TRPM6: variants seen among roughly 807,000 people sequenced by gnomAD.
TRPM6 encodes transient receptor potential cation channel subfamily M member 6, also known as channel kinase 2.
A neutral mutation model predicts 247.6 loss-of-function variants in TRPM6; 111 were observed. The observed-to-expected ratio is 0.45, with a 90% confidence interval of 0.38 to 0.52. The LOEUF is 0.52. Among genes scored for constraint, TRPM6 ranks in the 20% least tolerant of loss-of-function variants. The pLI is 0.00. For synonymous variants in TRPM6, 892 were observed against 853.8 expected, an observed-to-expected ratio of 1.04 and a Z score of -0.78; for missense variants, 2,126 against 2,421.5, an observed-to-expected ratio of 0.88 and a Z score of 2.56.
At chr9:74,775,799 A>C in intron 24 of TRPM6, 84 bp downstream of exon 24, 1 of 1,422,484 alleles carries the variant, frequency 7.0e-7, no homozygotes, top group Non-Finnish European at 9.9e-7. Context: ...AGTGCCCTGA[A>C]CTTAATTTAT....
Position 74,794,851 on chromosome 9 carries a change from A to G in TRPM6, c.2391+1890T>C, listed in dbSNP as rs865951424. Among the ~76,000 whole-genome samples the G allele has an allele frequency of 1.2e-3, 185 of 152,014 alleles. 3 individuals are homozygous for G. In the Middle Eastern group the frequency reaches 0.031, roughly 25 times the overall value. ...CTTGAATAACTTTTATTATATATAT[A>G]CAGCTCCCCTCACCCCCCACACCCC... On this transcript the variant is annotated intron_variant, in intron 18 of 38. Transcript: ENST00000360774.
intron 13 of TRPM6, among the ~76,000 whole-genome samples, chr9:74,810,367 A>G (rs1472629830): frequency 6.6e-6 from 1 of 152,204 alleles, no homozygotes; most frequent in South Asian, 2.1e-4. Context: ...CTGACTGCCT[A>G]GAACAATGCA....
chr9:74,787,569 G>A (rs1019916090), intron 20 of TRPM6, among the ~76,000 whole-genome samples: 1 of 152,114 alleles, frequency 6.6e-6, no homozygotes, highest in Non-Finnish European at 1.5e-5. Context: ...TTACAAAGAA[G>A]TATACAATGT....
chr9:74,820,495 A>G (rs982164577), intron 8 of TRPM6, 68 bp from the exon 9 acceptor site: 2 of 1,589,616 alleles, frequency 1.3e-6, no homozygotes, highest in Non-Finnish European at 1.7e-6. Context: ...TCAGTACAAG[A>G]AAACACCCCA....
chr9:74,753,367 GA>G (rs537743774), intron 28 of TRPM6, among the ~76,000 whole-genome samples: 65 of 148,222 alleles, frequency 4.4e-4, no homozygotes, highest in South Asian at 4.3e-4. Context: ...TTTTGTGCTG[GA>G]AAAAAAAAAG....
In TRPM6 at chr9:74,728,224, C is replaced by T. The variant is rs780414193; in HGVS notation, c.5935+15G>A. 6 of 1,584,334 alleles carry T rather than the reference C, an allele frequency of 3.8e-6. No individual in the cohort carries two copies. Among genetic ancestry groups the T allele is most frequent in the Non-Finnish European group, 5.2e-6 (6 of 1,152,994 alleles). On this transcript the variant is annotated intron_variant, in intron 38 of 38. Coordinates refer to ENST00000360774, the MANE Select transcript of TRPM6 (RefSeq NM_017662.5). ...AGAGATTTACTTAGAGAAAAAAGAACTGTTAGTGGCATACCCGGGAGTTTG... is the reference window on the plus strand; with the variant it reads ...AGAGATTTACTTAGAGAAAAAAGAATTGTTAGTGGCATACCCGGGAGTTTG...
intron 20 of TRPM6, 149 bp from the exon 21 acceptor site, chr9:74,786,274 T>C (rs541208207): frequency 4.9e-4 from 386 of 780,090 alleles, no homozygotes; most frequent in Non-Finnish European, 7.5e-4. Flanking sequence ...GAGACTTAAG[T>C]TATCATCAGT....
At chr9:74,806,612 CCT>C (rs1227185858) in intron 14 of TRPM6, among the ~76,000 whole-genome samples, 2 of 152,006 alleles carry the variant, frequency 1.3e-5, no homozygotes, top group Non-Finnish European at 2.9e-5. Context: ...GACTCTGCAC[CCT>C]CTGTGTATCA....
At chr9:74,793,277 A>G (rs72730952) in intron 18 of TRPM6, among the ~76,000 whole-genome samples, 41,531 of 152,102 alleles carry the variant, frequency 0.27, 5,835 homozygotes, top group African/African-American at 0.32. Flanking sequence ...TTTCTGAAAT[A>G]CAAGCTGACT....
chr9:74,806,406 G>A (rs577966388), intron 14 of TRPM6, among the ~76,000 whole-genome samples: 10 of 152,154 alleles, frequency 6.6e-5, no homozygotes, highest in African/African-American at 2.4e-4. Context: ...GATTACAGGC[G>A]TGAGCCACCA....
At chr9:74,884,275 G>C (rs186030069) in intron 1 of TRPM6, among the ~76,000 whole-genome samples, 8 of 152,254 alleles carry the variant, frequency 5.3e-5, no homozygotes, top group Admixed American at 3.9e-4. Context: ...CAGATCACGA[G>C]GTCAAGAAAT....
At chr9:74,725,120 T>C (rs949390622) in intron 38 of TRPM6, among the ~76,000 whole-genome samples, 9 of 152,160 alleles carry the variant, frequency 5.9e-5, no homozygotes, top group Non-Finnish European at 1.2e-4. Context: ...GGCTGACTCC[T>C]CATCTCAGTG....
chr9:74,824,530 A>G (rs1829262095), intron 7 of TRPM6, among the ~76,000 whole-genome samples: 1 of 118,084 alleles, frequency 8.5e-6, no homozygotes, highest in African/African-American at 5.4e-5. Flanking sequence ...AAAAAAAAAA[A>G]AAAAAAAAAA....
rs755731099 is a variant in TRPM6 at position 74,776,430 on chromosome 9, G to A, written c.3210-354C>T. Among the ~76,000 whole-genome samples the A allele has an allele frequency of 5.9e-5, 9 of 152,024 alleles. No homozygotes were observed. The East Asian group carries it at 1.5e-3, about 26-fold the overall frequency. On this transcript the variant is annotated intron_variant, in intron 23 of 38. Coordinates refer to ENST00000360774, the MANE Select transcript of TRPM6 (RefSeq NM_017662.5). ...AGCTCTTTTCAGTCCATAATTCATC[G>A]TTTATGGGAAACAGCTTTAATGTTC...
chr9:74,860,509 C>G (rs1038003545), intron 1 of TRPM6, among the ~76,000 whole-genome samples: 1 of 151,972 alleles, frequency 6.6e-6, no homozygotes, highest in South Asian at 2.1e-4. Flanking sequence ...TAGGCATGCA[C>G]CAGCATGCCT....
chr9:74,761,842 A>G, intron 26 of TRPM6, 34 bp from the exon 27 acceptor site: 2 of 1,544,396 alleles, frequency 1.3e-6, no homozygotes, highest in Non-Finnish European at 1.8e-6. Flanking sequence ...GAAAGTTGAC[A>G]ACAGTAAGTG....
At chr9:74,757,466 T>C (rs1326258000) in intron 27 of TRPM6, among the ~76,000 whole-genome samples, 2 of 149,556 alleles carry the variant, frequency 1.3e-5, no homozygotes, top group Non-Finnish European at 2.9e-5. Flanking sequence ...CTCAGGAGCC[T>C]GAGGCAGGAG....
intron 5 of TRPM6, among the ~76,000 whole-genome samples, chr9:74,837,703 C>A (rs955386183): frequency 6.6e-6 from 1 of 151,446 alleles, no homozygotes; most frequent in African/African-American, 2.4e-5. Context: ...ACCTTGGGCT[C>A]CCAAAGTGTT....
intron 19 of TRPM6, among the ~76,000 whole-genome samples, chr9:74,791,314 T>C (rs1229317535): frequency 1.3e-5 from 2 of 152,212 alleles, no homozygotes; most frequent in African/African-American, 4.8e-5. Flanking sequence ...AGTGTGTGGT[T>C]GGCCAGGTAA....
Sources: gnomAD v4.1 joint callset for allele counts (sites outside exome capture counted in the v4.1 genomes callset) on GRCh38, gnomAD v4.1.1 for gene constraint, MANE v1.5 for transcripts, NCBI Gene and HGNC (gene_info 2026-07-23, HGNC 2026-07-21) for gene names.